Variants in PIK3C2A observed in about 807,000 individuals in gnomAD.
PIK3C2A encodes the protein phosphatidylinositol-4-phosphate 3-kinase catalytic subunit type 2 alpha.
In PIK3C2A, 97 loss-of-function variants were observed where a neutral mutation model predicts 204.5. The observed-to-expected ratio is 0.47, with a 90% CI of 0.40 to 0.56. The LOEUF (loss-of-function observed/expected upper bound fraction) is 0.56. Among genes scored for constraint, PIK3C2A ranks in the 20% least tolerant of loss-of-function variants. The pLI is 0.00. For missense variants in PIK3C2A, 1,735 were observed against 1,969.2 expected (o/e 0.88, Z 2.25); for synonymous variants, 653 against 664.4 (o/e 0.98, Z 0.26).
chr11:17,165,309 C>T (rs1304610507), intron 2 of PIK3C2A, among the ~76,000 whole-genome samples: 1 of 152,174 alleles, frequency 6.6e-6, no homozygotes, highest in Non-Finnish European at 1.5e-5. Context: ...CCTGAAATTC[C>T]ATACTGTCCT....
In PIK3C2A at chr11:17,089,644, T is replaced by C. The variant is rs1381901046; in HGVS notation, c.*94A>G. The C allele has an allele frequency of 3.2e-5, 23 of 723,066 alleles. No individual in the cohort carries two copies. The highest frequency in any genetic ancestry group is 3.1e-4 in the Middle Eastern group (1 of 3,240). 44.8% of individuals were successfully genotyped at this position (723,066 alleles called of 1,614,324 possible). A position where few individuals can be genotyped will look rare whatever the true frequency, so the allele number is the denominator to read the frequency against. ...CCAAGTATAAAAATACTATACAAAA[T>C]TAACAAGTGTGTGTGTGTGTGTCTG... is the stretch of plus-strand genomic sequence containing the variant. On this transcript the variant is annotated 3_prime_UTR_variant, in exon 33 of 33. Transcript: ENST00000691414.
chr11:17,135,060 T>A, intron 10 of PIK3C2A, 31 bp from the exon 11 acceptor site: 1 of 1,611,932 alleles, frequency 6.2e-7, no homozygotes, highest in African/African-American at 1.3e-5. Flanking sequence ...GTTAATAGAT[T>A]CTCTGAAAAG....
At position 17,145,871 on chromosome 11, in the gene PIK3C2A, G is replaced by C; in HGVS notation, c.1632C>G (p.Ala544=). The C allele has an allele frequency of 6.2e-7, 1 of 1,612,968 alleles. No homozygotes were observed. The highest frequency in any genetic ancestry group is 8.5e-7 in the Non-Finnish European group (1 of 1,179,326). The part of the protein sequence containing the change: ...LYQIEKPCKE[A]MTRHPVEELL... ...TGCTTTAGATGATATACCTCGTCAT[G>C]GCTTCTTTGCAAGGTTTTTCTATTT... The change falls in exon 7 of 33, where the codon GCC becomes GCG. Residue 544 remains alanine, a synonymous_variant. Transcript: ENST00000691414.
At chr11:17,103,382 T>C (rs1420400164) in intron 23 of PIK3C2A, among the ~76,000 whole-genome samples, 7 of 152,132 alleles carry the variant, frequency 4.6e-5, no homozygotes, top group Admixed American at 3.9e-4. Context: ...TATAATATTG[T>C]ATAGAAGGAT....
chr11:17,190,131 C>T (rs532049963), intron 1 of PIK3C2A, among the ~76,000 whole-genome samples: 9 of 152,002 alleles, frequency 5.9e-5, no homozygotes, highest in Admixed American at 1.3e-4. Flanking sequence ...GGCATAGTGA[C>T]GCGTGCCTGT....
chr11:17,181,745 A>G (rs1851575411), intron 1 of PIK3C2A, among the ~76,000 whole-genome samples: 1 of 151,628 alleles, frequency 6.6e-6, no homozygotes, highest in African/African-American at 2.4e-5. Context: ...ATGAAAAACT[A>G]TTTTATTTAA....
chr11:17,179,433 A>C (rs1851458119), intron 1 of PIK3C2A, among the ~76,000 whole-genome samples: 1 of 152,090 alleles, frequency 6.6e-6, no homozygotes, highest in Non-Finnish European at 1.5e-5. Context: ...AAGCACTGGG[A>C]TTACTGGCAG....
chr11:17,176,097 G>A (rs903858668), intron 1 of PIK3C2A, among the ~76,000 whole-genome samples: 16 of 151,210 alleles, frequency 1.1e-4, no homozygotes, highest in Non-Finnish European at 2.9e-5. Context: ...TCTGCCTCCC[G>A]GATTCAGGGA....
rs1851563382 is a variant in PIK3C2A at position 17,181,633 on chromosome 11, TATATATATATATATATATATATATATAC to T, written c.-65-11855_-65-11828del. On this transcript the variant is annotated intron_variant, in intron 1 of 32. Transcript: ENST00000691414. ...ATATATATATATATATATATATATA[TATATATATATATATATATATATATATAC>T]ACACACACACACACACACACACACA... is the stretch of plus-strand genomic sequence containing the variant. Among the ~76,000 whole-genome samples the T allele has an allele frequency of 1.6e-3, 4 of 2,518 alleles. 1 individual carries two copies. Among genetic ancestry groups the T allele is most frequent in the African/African-American group, 2.1e-3 (4 of 1,942 alleles). The allele number at this position is 2,518 out of a possible 152,430, so 1.7% of individuals were successfully genotyped here.
intron 26 of PIK3C2A, 64 bp downstream of exon 26, chr11:17,099,796 T>C: frequency 1.3e-6 from 1 of 758,232 alleles, no homozygotes; most frequent in Non-Finnish European, 2.3e-6. Flanking sequence ...TTGTTTAAAC[T>C]AAGGTAAAAC....
intron 2 of PIK3C2A, among the ~76,000 whole-genome samples, chr11:17,161,093 A>C (rs1411953014): frequency 6.6e-6 from 1 of 152,168 alleles, no homozygotes; most frequent in Admixed American, 6.5e-5. Context: ...TAATTCACAA[A>C]AATTTATCAT....
In PIK3C2A at chr11:17,170,783, C is replaced by T. The variant is rs1373942240; in HGVS notation, c.-65-977G>A. The stretch of plus-strand genomic sequence containing the variant: ...ATGATAAAAGGGTTAAATATGGATT[C>T]TGGAGTCACATCACCTTAGTTTAAG... On this transcript the variant is annotated intron_variant, in intron 1 of 32. Transcript: ENST00000691414. Among the ~76,000 whole-genome samples the T allele has an allele frequency of 4.6e-5, 7 of 152,078 alleles. 1 individual carries two copies. Among genetic ancestry groups the T allele is most frequent in the Non-Finnish European group, 8.8e-5 (6 of 68,006 alleles).
At chr11:17,105,882 G>C (rs964938417) in intron 22 of PIK3C2A, among the ~76,000 whole-genome samples, 5 of 152,206 alleles carry the variant, frequency 3.3e-5, no homozygotes, top group Non-Finnish European at 7.3e-5. Flanking sequence ...GCCGAGGTGG[G>C]TGGATCACTT....
intron 30 of PIK3C2A, 92 bp from the exon 31 acceptor site, chr11:17,091,748 T>C (rs567721062): frequency 1.2e-6 from 1 of 843,422 alleles, no homozygotes; most frequent in East Asian, 2.6e-5. Flanking sequence ...GACTGTCACA[T>C]GTGGTGCGGA....
chr11:17,101,891 C>CCG (rs1185870739), intron 24 of PIK3C2A, among the ~76,000 whole-genome samples: 2 of 152,036 alleles, frequency 1.3e-5, no homozygotes, highest in East Asian at 1.9e-4. Flanking sequence ...GCGTGAGCCA[C>CCG]TGCACCCGGC....
chr11:17,150,522 G>A lies in PIK3C2A; in HGVS notation c.1303C>T (p.Leu435=), dbSNP rs1850391786. 1 of 1,607,410 alleles carries A rather than the reference G, an allele frequency of 6.2e-7. No individual in the cohort carries two copies. The highest frequency in any genetic ancestry group is 1.1e-5 in the South Asian group (1 of 90,254). ...CCATCACACGTAAAAGTAACTGGTA[G>A]CTGAAATCCTTCAATGTCAATGGAG... is the stretch of plus-strand genomic sequence containing the variant. ...KVSIDIEGFQ[L]PVTFTCDVSS... is the part of the protein sequence containing the mutation. The change falls in exon 4 of 33, where the codon CTA becomes TTA. Residue 435 remains leucine, a synonymous_variant. Coordinates refer to ENST00000691414, the MANE Select transcript of PIK3C2A (RefSeq NM_002645.4).
At chr11:17,161,551 G>T (rs1398006915) in intron 2 of PIK3C2A, among the ~76,000 whole-genome samples, 1 of 152,032 alleles carries the variant, frequency 6.6e-6, no homozygotes, top group Non-Finnish European at 1.5e-5. Flanking sequence ...TTAACTAAAA[G>T]CCTGATTTAA....
intron 19 of PIK3C2A, chr11:17,115,600 T>C (rs1849157812): frequency 6.8e-6 from 1 of 147,472 alleles, no homozygotes; most frequent in Admixed American, 6.8e-5. Context: ...ATATATGATA[T>C]AGAATTGAGA....
At chr11:17,101,507 A>G in intron 24 of PIK3C2A, 73 bp from the exon 25 acceptor site, 1 of 760,326 alleles carries the variant, frequency 1.3e-6, no homozygotes, top group Non-Finnish European at 1.9e-6. Flanking sequence ...CATGATTATT[A>G]AACTAAGCTA....
Sources: gnomAD v4.1 joint callset for allele counts (sites outside exome capture counted in the v4.1 genomes callset) on GRCh38, gnomAD v4.1.1 for gene constraint, MANE v1.5 for transcripts, NCBI Gene and HGNC (gene_info 2026-07-23, HGNC 2026-07-21) for gene names.